The following GBX1 variants were observed in gnomAD, a reference collection of about 807,000 sequenced individuals.
The protein encoded by GBX1 is gastrulation brain homeobox 1.
A neutral mutation model predicts 22.9 loss-of-function variants in GBX1; 9 were observed. The ratio of observed to expected loss-of-function variants is 0.39; its 90% CI spans 0.24 to 0.69. The LOEUF is 0.69. Ranked by LOEUF, GBX1 falls within the 30% of genes least tolerant of loss-of-function variation. The probability of loss-of-function intolerance (pLI) is 0.43; values close to 1 mark genes in which losing one functional copy is unlikely to be tolerated. For missense variants in GBX1, 494 were observed against 509.2 expected (o/e 0.97, Z 0.29); for synonymous variants, 203 against 227.3 (o/e 0.89, Z 0.96).
chr7:151,167,622 C>G lies in GBX1; in HGVS notation c.-74G>C. 8.2e-7 allele frequency: 1 copy of G among 1,214,472 alleles called. No individual in the cohort carries two copies. Among genetic ancestry groups the G allele is most frequent in the Non-Finnish European group, 1.0e-6 (1 of 980,666 alleles). The allele number at this position is 1,214,472 out of a possible 1,614,324, so 75.2% of individuals were successfully genotyped here. A position where few individuals can be genotyped will look rare whatever the true frequency, so the allele number is the denominator to read the frequency against. On this transcript the variant is annotated 5_prime_UTR_variant, in exon 1 of 2. Coordinates refer to ENST00000297537, the MANE Select transcript of GBX1 (RefSeq NM_001098834.3). This position sits in a 1 kb window ranked among gnomAD's most constrained non-coding sequence, Gnocchi z 5.9. ...CGTGCGCCCCGCGGCTCGGGCGCCC[C>G]GCGCGGACACGCAGGGCTCGCTCCC... is the stretch of plus-strand genomic sequence containing the variant.
At chr7:151,156,628 C>T (rs548742284) in intron 1 of GBX1, among the ~76,000 whole-genome samples, 9 of 152,086 alleles carry the variant, frequency 5.9e-5, no homozygotes, top group Middle Eastern at 3.4e-3. Flanking sequence ...ATCTTTCTCC[C>T]GTTCTTTTGT....
chr7:151,155,884 A>C (rs1801127970), intron 1 of GBX1, among the ~76,000 whole-genome samples: 1 of 152,190 alleles, frequency 6.6e-6, no homozygotes, highest in Non-Finnish European at 1.5e-5. Context: ...CAGACAGATT[A>C]AATGATTTCC....
chr7:151,157,253 G>A (rs1267021399), intron 1 of GBX1, among the ~76,000 whole-genome samples: 4 of 150,558 alleles, frequency 2.7e-5, no homozygotes, highest in Admixed American at 6.6e-5. Flanking sequence ...CCAAGATCGC[G>A]CCACTGCACT....
At chr7:151,155,833 G>A (rs577576718) in intron 1 of GBX1, among the ~76,000 whole-genome samples, 1 of 152,234 alleles carries the variant, frequency 6.6e-6, no homozygotes, top group East Asian at 1.9e-4. Flanking sequence ...GTAGTAATAG[G>A]AGAGGTAGTA....
chr7:151,150,007 T>A (rs1200957265), intron 1 of GBX1: 1 of 454,654 alleles, frequency 2.2e-6, no homozygotes. Context: ...CTAAGCTTGA[T>A]GTCAGCTGGG....
At chr7:151,152,865 C>T (rs544712022) in intron 1 of GBX1, among the ~76,000 whole-genome samples, 19 of 152,256 alleles carry the variant, frequency 1.2e-4, no homozygotes, top group African/African-American at 2.2e-4. Flanking sequence ...GGATGCTGAG[C>T]GGCAGGGGCA....
intron 1 of GBX1, among the ~76,000 whole-genome samples, chr7:151,166,479 C>A (rs1584806653): frequency 1.6e-5 from 2 of 124,118 alleles, no homozygotes; most frequent in South Asian, 2.7e-4. Context: ...ACGCAACCCC[C>A]CCCCCCCAAC....
At chr7:151,149,172 G>C (rs1272155992) in intron 1 of GBX1, 30 bp from the exon 2 acceptor site, 2 of 1,573,464 alleles carry the variant, frequency 1.3e-6, no homozygotes, top group Admixed American at 1.8e-5. Flanking sequence ...AATGGATGGG[G>C]AGGGAGAAGC....
rs770960604 is a variant in GBX1, at chr7:151,161,332, CTCTT to C, written c.538+5675_538+5678del. ...ATATTTACATGTGCCACCTTAGAGACTCTTTCTCTCTGCCAACCCCTGAAGGGTT... is the reference window on the plus strand; with the variant it reads ...ATATTTACATGTGCCACCTTAGAGACTCTCTCTGCCAACCCCTGAAGGGTT... On this transcript the variant is annotated intron_variant, in intron 1 of 1. Coordinates refer to ENST00000297537, the MANE Select transcript of GBX1 (RefSeq NM_001098834.3). Among the ~76,000 whole-genome samples, 8 of 152,252 alleles carry C rather than the reference CTCTT, an allele frequency of 5.3e-5. No individual in the cohort carries two copies. The East Asian group carries it at 7.7e-4, about 15-fold the overall frequency.
intron 1 of GBX1, chr7:151,149,836 G>T (rs557391940): frequency 1.0e-4 from 45 of 444,528 alleles, no homozygotes; most frequent in African/African-American, 8.6e-4. Flanking sequence ...AGTGTGGCCA[G>T]ATTTTTTCTC....
At chr7:151,164,096 T>C (rs761081494) in intron 1 of GBX1, among the ~76,000 whole-genome samples, 9 of 149,878 alleles carry the variant, frequency 6.0e-5, no homozygotes, top group Non-Finnish European at 1.0e-4. Flanking sequence ...ATTCTCCAAA[T>C]TGGCCTATCT....
rs1414247373 is a variant in GBX1, at chr7:151,148,904, C to T, written c.777G>A (p.Gly259=). The change falls in exon 2 of 2, where the codon GGG becomes GGA. Residue 259 remains glycine, a synonymous_variant. Transcript: ENST00000297537. The surrounding 1 kb of genome is among the most constrained non-coding windows in gnomAD (Gnocchi z 5.1). The part of the protein sequence containing the change: ...PVTAGVTAPG[G]KSRRRRTAFT... ...ATGCTGTGCGGCGCCGTCGGCTTTT[C>T]CCCCCAGGAGCTGTGACCCCTGCTG... 6 of 1,614,090 alleles carry T rather than the reference C, an allele frequency of 3.7e-6. No homozygotes were observed. Among genetic ancestry groups the T allele is most frequent in the Admixed American group, 1.7e-5 (1 of 60,010 alleles).
At chr7:151,155,153 C>A (rs1432699077) in intron 1 of GBX1, among the ~76,000 whole-genome samples, 1 of 152,222 alleles carries the variant, frequency 6.6e-6, no homozygotes, top group Non-Finnish European at 1.5e-5. Context: ...TATCCTAACA[C>A]TTGCCCCAAC....
intron 1 of GBX1, among the ~76,000 whole-genome samples, chr7:151,150,460 A>G (rs989091585): frequency 6.6e-6 from 1 of 152,206 alleles, no homozygotes; most frequent in Non-Finnish European, 1.5e-5. Flanking sequence ...TATCGGCCAC[A>G]TATCAGATAT....
chr7:151,150,381 C>T (rs1455762307), intron 1 of GBX1, among the ~76,000 whole-genome samples: 1 of 152,206 alleles, frequency 6.6e-6, no homozygotes, highest in African/African-American at 2.4e-5. Flanking sequence ...TAGTCAGCTC[C>T]TTTCCAGAAG....
At chr7:151,162,517 G>A (rs900625028) in intron 1 of GBX1, among the ~76,000 whole-genome samples, 1 of 152,038 alleles carries the variant, frequency 6.6e-6, no homozygotes, top group African/African-American at 2.4e-5. Context: ...TTTAAGCTTA[G>A]TTTAAAAAAA....
Position 151,148,527 on chromosome 7 carries a change from T to C in GBX1, c.*62A>G. On this transcript the variant is annotated 3_prime_UTR_variant, in exon 2 of 2. Coordinates refer to ENST00000297537, the MANE Select transcript of GBX1 (RefSeq NM_001098834.3). This position sits in a 1 kb window ranked among gnomAD's most constrained non-coding sequence, Gnocchi z 5.1. ...GCAGCCCCTCTGGTCCACAGAACCC[T>C]GACAGTCTCAGAGCAGGCTCAGGTA... 6.7e-7 allele frequency: 1 copy of C among 1,491,464 alleles called. No homozygotes were observed. The highest frequency in any genetic ancestry group is 1.3e-5 in the South Asian group (1 of 78,008). 92.4% of individuals were successfully genotyped at this position (1,491,464 alleles called of 1,614,324 possible).
intron 1 of GBX1, among the ~76,000 whole-genome samples, chr7:151,159,693 G>A (rs186999006): frequency 3.9e-4 from 60 of 152,322 alleles, no homozygotes; most frequent in African/African-American, 1.3e-3. Flanking sequence ...GAATTCTAAT[G>A]TCAGCCTATC....
intron 1 of GBX1, among the ~76,000 whole-genome samples, chr7:151,154,340 T>C (rs1176287679): frequency 1.3e-5 from 2 of 152,210 alleles, no homozygotes; most frequent in Non-Finnish European, 2.9e-5. Context: ...AAATTTCCTA[T>C]GGAAAATAAT....
Sources: gnomAD v4.1 joint callset for allele counts (sites outside exome capture counted in the v4.1 genomes callset) on GRCh38, gnomAD v4.1.1 for gene constraint, Gnocchi (gnomAD v3.1) non-coding constraint, MANE v1.5 for transcripts, NCBI Gene and HGNC (gene_info 2026-07-23, HGNC 2026-07-21) for gene names.